Variants in NTRK1 observed in about 807,000 individuals in gnomAD.
NTRK1 encodes the protein neurotrophic receptor tyrosine kinase 1, also known as high affinity nerve growth factor receptor.
NTRK1 carries 62 observed loss-of-function variants against 86.8 expected under a neutral mutation model. That is an observed-to-expected ratio of 0.71 (90% CI 0.58 to 0.88). The LOEUF (loss-of-function observed/expected upper bound fraction) is 0.88. NTRK1 is among the 40% of genes least tolerant of loss of function. NTRK1 has a pLI of 0.00. For missense variants in NTRK1, 967 were observed against 1,078.4 expected (o/e 0.90, Z 1.45); for synonymous variants, 469 against 456.6 (o/e 1.03, Z -0.35).
chr1:156,853,114 A>G (rs942716658), intron 2 of NTRK1, among the ~76,000 whole-genome samples: 1 of 151,850 alleles, frequency 6.6e-6, no homozygotes, highest in African/African-American at 2.4e-5. Flanking sequence ...GCATCATCCT[A>G]AAGGTCCCAC....
In NTRK1 at chr1:156,881,692, C is replaced by T. The variant is rs1238173199; in HGVS notation, c.*50C>T. 3.9e-6 allele frequency: 6 copies of T among 1,524,968 alleles called. No homozygotes were observed. The highest frequency in any genetic ancestry group is 5.3e-6 in the Non-Finnish European group (6 of 1,128,178). 94.5% of individuals were successfully genotyped at this position (1,524,968 alleles called of 1,614,324 possible). ...GGTTAGCCGGAATACTGGGGCCTGC[C>T]CTCAGCATCCCCCATAGCTCCCAGC... On this transcript the variant is annotated 3_prime_UTR_variant, in exon 17 of 17. Transcript: ENST00000524377.
At chr1:156,864,548 A>C in intron 2 of NTRK1, 120 bp downstream of exon 2, 1 of 1,209,102 alleles carries the variant, frequency 8.3e-7, no homozygotes, top group Admixed American at 1.9e-5. Flanking sequence ...GCACTGAGGG[A>C]CTGGGAGAAG....
chr1:156,818,434 A>G (rs1308106607), intron 1 of NTRK1, among the ~76,000 whole-genome samples: 1 of 152,178 alleles, frequency 6.6e-6, no homozygotes, highest in African/African-American at 2.4e-5. Flanking sequence ...CCTGGCACCC[A>G]AGCAGTGTAC....
intron 1 of NTRK1, 26 bp from the exon 2 acceptor site, chr1:156,864,328 G>A (rs2102885088): frequency 6.2e-7 from 1 of 1,613,498 alleles, no homozygotes; most frequent in Non-Finnish European, 8.5e-7. Flanking sequence ...CCTGAGCCCT[G>A]TGACTCCCAT....
chr1:156,880,233 C>G (rs755169212), intron 16 of NTRK1, 76 bp downstream of exon 16: 1 of 1,521,474 alleles, frequency 6.6e-7, no homozygotes, highest in Non-Finnish European at 9.0e-7. Flanking sequence ...TCAGGGAACT[C>G]GGTTCCCCTT....
intron 1 of NTRK1, among the ~76,000 whole-genome samples, chr1:156,830,087 C>G (rs1183035934): frequency 2.0e-5 from 3 of 152,264 alleles, no homozygotes; most frequent in Non-Finnish European, 4.4e-5. Flanking sequence ...GGGGCAGTCT[C>G]AGCACAGCCC....
chr1:156,874,778 G>T (rs2102911209), intron 10 of NTRK1, 128 bp from the exon 11 acceptor site: 1 of 1,186,844 alleles, frequency 8.4e-7, no homozygotes, highest in South Asian at 1.2e-5. Flanking sequence ...GGGGTCCCCA[G>T]GGGAGGATGA....
At chr1:156,853,065 C>CCTCCTTT (rs1003104500) in intron 2 of NTRK1, among the ~76,000 whole-genome samples, 1 of 152,002 alleles carries the variant, frequency 6.6e-6, no homozygotes, top group South Asian at 2.1e-4. Flanking sequence ...CCTTTTCTTT[C>CCTCCTTT]CTCCTTTCTC....
At chr1:156,816,152 C>T (rs915837261) in intron 1 of NTRK1, 2 of 1,538,094 alleles carry the variant, frequency 1.3e-6, no homozygotes, top group Non-Finnish European at 1.8e-6. Flanking sequence ...TCTGTCTCTG[C>T]CTCCCACCCC....
At chr1:156,848,547 C>A (rs1195524321) in intron 2 of NTRK1, among the ~76,000 whole-genome samples, 2 of 152,180 alleles carry the variant, frequency 1.3e-5, no homozygotes, top group Non-Finnish European at 2.9e-5. Context: ...GCTGGCAGAG[C>A]TGCTCATAAA....
intron 1 of NTRK1, chr1:156,841,568 T>G (rs1315003120): frequency 6.2e-7 from 1 of 1,612,824 alleles, no homozygotes; most frequent in Non-Finnish European, 8.5e-7. Flanking sequence ...GCACCCTTCG[T>G]GCTACTCAGT....
At chr1:156,825,793 G>C (rs558242583) in intron 1 of NTRK1, among the ~76,000 whole-genome samples, 5 of 152,208 alleles carry the variant, frequency 3.3e-5, no homozygotes, top group African/African-American at 4.8e-5. Flanking sequence ...GGGGTGGAGA[G>C]AGATATGCCG....
At chr1:156,879,917 T>G (rs1648153873) in intron 15 of NTRK1, 82 bp from the exon 16 acceptor site, 1 of 1,567,266 alleles carries the variant, frequency 6.4e-7, no homozygotes, top group South Asian at 1.1e-5. Context: ...TATTTATTTT[T>G]AATGATGGGG....
intron 16 of NTRK1, among the ~76,000 whole-genome samples, chr1:156,880,723 G>C (rs1357406390): frequency 2.6e-5 from 4 of 152,216 alleles, no homozygotes; most frequent in Non-Finnish European, 2.9e-5. Context: ...TGGGGTGGGG[G>C]AGAGGGTTAT....
At chr1:156,834,725 G>GA (rs149950637) in intron 1 of NTRK1, among the ~76,000 whole-genome samples, 25,530 of 149,128 alleles carry the variant, frequency 0.17, 3,981 homozygotes, top group African/African-American at 0.43. Flanking sequence ...CCTGTTTCAA[G>GA]AAGAAAAAAA....
Position 156,873,954 on chromosome 1 carries a change from T to C in NTRK1, c.1172T>C (p.Ile391Thr). ...TTCGAGTTCAACCCCGAGGACCCCA[T>C]CCCTGGTGCGAGGGCCATCCTGAAC... ...NPFEFNPEDP[I>T]PVSFSPVDTN... Residue 391 changes from isoleucine to threonine, a missense_variant, in exon 8 of 17, where the codon ATC becomes ACC. Transcript: ENST00000524377. 1 of 1,552,520 alleles carries C rather than the reference T, an allele frequency of 6.4e-7. No individual in the cohort carries two copies. Among genetic ancestry groups the C allele is most frequent in the Non-Finnish European group, 8.7e-7 (1 of 1,147,480 alleles).
intron 1 of NTRK1, among the ~76,000 whole-genome samples, chr1:156,819,453 T>C (rs865992162): frequency 1.3e-5 from 2 of 152,180 alleles, no homozygotes; most frequent in Non-Finnish European, 1.5e-5. Context: ...ATACTTTCTT[T>C]TGAGAAATGT....
Position 156,873,858 on chromosome 1 carries a change from A to G in NTRK1, c.1076A>G (p.Tyr359Cys), listed in dbSNP as rs121964869. The change falls in exon 8 of 17, where the codon TAC (tyrosine) becomes TGC (cysteine). Residue 359 changes from tyrosine (Y) to cysteine (C), a missense_variant. Around this residue, in one of 2 missense-constraint regions of NTRK1, gnomAD observed 637 missense variants for 776.5 expected, o/e 0.82. Coordinates refer to ENST00000524377, the MANE Select transcript of NTRK1 (RefSeq NM_002529.4). Reference protein sequence around the residue: ...NQPTHVNNGNYTLLAANPFGQ... With the variant: ...NQPTHVNNGNCTLLAANPFGQ... ...CCCACCCACGTCAACAACGGCAACT[A>G]CACGCTGCTGGCTGCCAACCCCTTC... 2.5e-6 allele frequency: 4 copies of G among 1,606,530 alleles called. No individual in the cohort carries two copies. Among genetic ancestry groups the G allele is most frequent in the Non-Finnish European group, 2.6e-6 (3 of 1,176,376 alleles).
intron 2 of NTRK1, among the ~76,000 whole-genome samples, chr1:156,852,975 G>C (rs987123917): frequency 1.3e-5 from 2 of 151,810 alleles, no homozygotes; most frequent in Admixed American, 6.6e-5. Context: ...CAGGTTGGGG[G>C]ACCCCAGATC....
Sources: allele counts gnomAD v4.1 joint callset (sites outside exome capture counted in the v4.1 genomes callset), GRCh38; gene constraint gnomAD v4.1.1; regional missense constraint gnomAD v4.1.1; transcripts MANE v1.5; gene names NCBI Gene and HGNC (gene_info 2026-07-23, HGNC 2026-07-21).